Variants in TNC observed in about 807,000 individuals in gnomAD.
The protein encoded by TNC is tenascin.
A neutral mutation model predicts 202.4 loss-of-function variants in TNC; 109 were observed. The ratio of observed to expected loss-of-function variants is 0.54; its 90% CI spans 0.46 to 0.63. The LOEUF is 0.63. Among genes scored for constraint, TNC ranks in the 30% least tolerant of loss-of-function variants. TNC has a pLI of 0.00. For missense variants in TNC, 2,756 were observed against 2,833.3 expected (o/e 0.97, Z 0.62); for synonymous variants, 1,007 against 1,089.7 (o/e 0.92, Z 1.50).
Position 115,064,038 on chromosome 9 carries a change from AC to A in TNC, c.3517del (p.Val1173TrpfsTer33). On this transcript the variant is annotated frameshift_variant, in exon 12 of 28. Coordinates refer to ENST00000350763, the MANE Select transcript of TNC (RefSeq NM_002160.4). LOFTEE classifies it high-confidence loss of function. ...GAGGGCATCCCAGCCCACCTCGGCC[AC>A]CACGACCTCTCCCAAATTGGGAGTT... ...GETPNLGEVV[V>X]AEVGWDALKL... 1 of 1,611,686 alleles carries A rather than the reference AC, an allele frequency of 6.2e-7. No individual in the cohort carries two copies. The highest frequency in any genetic ancestry group is 8.5e-7 in the Non-Finnish European group (1 of 1,178,414).
chr9:115,023,993 C>A lies in TNC; in HGVS notation c.6475G>T (p.Gly2159Trp), dbSNP rs774501170. The change falls in exon 27 of 28, where the codon GGG (glycine) becomes TGG (tryptophan). Residue 2159 changes from glycine (G) to tryptophan (W), a missense_variant. Around this residue, in one of 2 missense-constraint regions of TNC, gnomAD observed 197 missense variants for 287.3 expected, o/e 0.69. Coordinates refer to ENST00000350763, the MANE Select transcript of TNC (RefSeq NM_002160.4). ...CHRVNLMGRY[G>W]DNNHSQGVNW... ...CTCACCTGACTGTGGTTATTGTCCC[C>A]ATATCTCCCCATCAGGTTGACACGG... The A allele has an allele frequency of 1.9e-6, 3 of 1,614,004 alleles. No homozygotes were observed. Among genetic ancestry groups the A allele is most frequent in the South Asian group, 2.2e-5 (2 of 91,054 alleles).
chr9:115,098,541 G>T (rs577459913), intron 1 of TNC, among the ~76,000 whole-genome samples: 1 of 152,144 alleles, frequency 6.6e-6, no homozygotes, highest in African/African-American at 2.4e-5. Context: ...TTTAGATAAA[G>T]ATGAAACTTC....
rs201449416 is a variant in TNC, at chr9:115,031,638, C to T, written c.5835G>A (p.Leu1945=). The change falls in exon 23 of 28, where the codon CTG becomes CTA. Residue 1945 remains leucine, a synonymous_variant. Transcript: ENST00000350763. ...PDTTSYSLAD[L]SPSTHYTAKI... ...TGGCTGTGTAGTGGGTGGATGGGCT[C>T]AGGTCTGCCAGGCTGTAGGAGGTGG... 3.1e-6 allele frequency: 5 copies of T among 1,612,440 alleles called. No individual in the cohort carries two copies. The highest frequency in any genetic ancestry group is 2.2e-5 in the East Asian group (1 of 44,716).
intron 10 of TNC, among the ~76,000 whole-genome samples, chr9:115,069,738 C>CCTTCCTTCCTT (rs1833297738): frequency 4.8e-4 from 1 of 2,084 alleles, no homozygotes; most frequent in African/African-American, 1.9e-3. Context: ...CTCCCTTCCT[C>CCTTCCTTCCTT]CCTCCCTCCC....
At chr9:115,028,781 A>G (rs1451817343) in intron 25 of TNC, among the ~76,000 whole-genome samples, 1 of 152,006 alleles carries the variant, frequency 6.6e-6, no homozygotes, top group East Asian at 1.9e-4. Flanking sequence ...TGAGTGTGAG[A>G]TGAATACAAA....
intron 1 of TNC, among the ~76,000 whole-genome samples, chr9:115,092,736 G>C (rs886346999): frequency 7.1e-6 from 1 of 141,368 alleles, no homozygotes; most frequent in African/African-American, 2.7e-5. Flanking sequence ...GCCATGCCTG[G>C]CTGATTTTTT....
chr9:115,046,263 T>C (rs1354332021), intron 17 of TNC, 147 bp downstream of exon 17: 5 of 954,730 alleles, frequency 5.2e-6, no homozygotes, highest in Non-Finnish European at 6.4e-6. Context: ...AGCCAAATTG[T>C]CCAAGGTAAC....
rs546531452 is a variant in TNC, at chr9:115,022,186, A to G, written c.6496-919T>C. Among the ~76,000 whole-genome samples the G allele has an allele frequency of 5.9e-5, 9 of 152,342 alleles. No individual in the cohort carries two copies. In the South Asian group the frequency reaches 1.9e-3, roughly 32 times the overall value. On this transcript the variant is annotated intron_variant, in intron 27 of 27. Coordinates refer to ENST00000350763, the MANE Select transcript of TNC (RefSeq NM_002160.4). ...AATAGAGACACTTTATTTGCTTCTA[A>G]TTGTTTGGCATTCACTGACATGGGC...
chr9:115,110,521 A>G (rs921195630), intron 1 of TNC, among the ~76,000 whole-genome samples: 3 of 152,144 alleles, frequency 2.0e-5, no homozygotes, highest in Admixed American at 2.0e-4. Flanking sequence ...GGTGATCAAG[A>G]AAGTGGGGAG....
chr9:115,105,341 T>C (rs2056188617), intron 1 of TNC, among the ~76,000 whole-genome samples: 1 of 152,222 alleles, frequency 6.6e-6, no homozygotes, highest in Admixed American at 6.5e-5. Flanking sequence ...TGATTGCATA[T>C]GTCGTCTGTG....
At position 115,103,282 on chromosome 9, in the gene TNC, C is replaced by T. The variant is rs553400867; in HGVS notation, c.-136-12128G>A. On this transcript the variant is annotated intron_variant, in intron 1 of 27. Transcript: ENST00000350763. ...GAATTGGCCAGGCCTAAGATGCACTCAGCATGAAAATTTGGTTTTGGTGTG... is the reference window on the plus strand; with the variant it reads ...GAATTGGCCAGGCCTAAGATGCACTTAGCATGAAAATTTGGTTTTGGTGTG... Among the ~76,000 whole-genome samples the T allele has an allele frequency of 1.6e-4, 24 of 152,310 alleles. No homozygotes were observed. In the South Asian group the frequency reaches 4.1e-3, roughly 26 times the overall value.
chr9:115,036,099 T>C lies in TNC; in HGVS notation c.5655A>G (p.Thr1885=), dbSNP rs776633134. 1.2e-6 allele frequency: 2 copies of C among 1,614,176 alleles called. No individual in the cohort carries two copies. Among genetic ancestry groups the C allele is most frequent in the Non-Finnish European group, 1.7e-6 (2 of 1,180,004 alleles). Residue 1885 remains threonine, a splice_region_variant and synonymous_variant, in exon 21 of 28, where the codon ACA becomes ACG. Transcript: ENST00000350763. The part of the protein sequence containing the change: ...KSSTITAKFT[T]DLDSPRDLTA... ...TTCCAGCTCTCAGTGTCTTTGTACC[T>C]GTTGTGAACTTGGCAGTGATGGTTG... is the stretch of plus-strand genomic sequence containing the variant.
intron 15 of TNC, among the ~76,000 whole-genome samples, chr9:115,054,640 A>G (rs534333888): frequency 6.6e-6 from 1 of 152,318 alleles, no homozygotes; most frequent in South Asian, 2.1e-4. Flanking sequence ...TGCAAGAAAA[A>G]ACAGAGAAAG....
chr9:115,066,299 G>GAA (rs1434022824), intron 10 of TNC, among the ~76,000 whole-genome samples: 1 of 152,202 alleles, frequency 6.6e-6, no homozygotes, highest in Non-Finnish European at 1.5e-5. Flanking sequence ...GTTTAGGAAG[G>GAA]AAAGTATTTC....
At chr9:115,023,875 T>C in intron 27 of TNC, 98 bp downstream of exon 27, 1 of 1,390,630 alleles carries the variant, frequency 7.2e-7, no homozygotes, top group Admixed American at 2.0e-5. Context: ...GGTTCCTGCC[T>C]CCTAGTCTCT....
intron 26 of TNC, among the ~76,000 whole-genome samples, 171 bp from the exon 27 acceptor site, chr9:115,024,307 A>C (rs770104684): frequency 1.4e-4 from 21 of 152,156 alleles, no homozygotes; most frequent in Non-Finnish European, 2.2e-4. Flanking sequence ...CATGAGTGTC[A>C]CCCCAGTACT....
Position 115,078,217 on chromosome 9 carries a change from G to A in TNC, c.2405-5C>T. ...TCTGGCTGGGGGCATCCAAGCCTAT[G>A]ATGGGCAGAGGACAGAGAGGCTTCA... On this transcript the variant is annotated splice_polypyrimidine_tract_variant and splice_region_variant and intron_variant, in intron 6 of 27. Transcript: ENST00000350763. 1 of 1,601,114 alleles carries A rather than the reference G, an allele frequency of 6.2e-7. No individual in the cohort carries two copies. Among genetic ancestry groups the A allele is most frequent in the East Asian group, 2.2e-5 (1 of 44,578 alleles).
At chr9:115,081,631 A>T in intron 6 of TNC, 141 bp downstream of exon 6, 1 of 967,318 alleles carries the variant, frequency 1.0e-6, no homozygotes, top group Non-Finnish European at 1.6e-6. Flanking sequence ...TTGTTATTTT[A>T]AACCACTGTA....
At chr9:115,089,742 C>T (rs549885407) in intron 2 of TNC, among the ~76,000 whole-genome samples, 163 of 152,304 alleles carry the variant, frequency 1.1e-3, no homozygotes, top group Middle Eastern at 6.8e-3. Context: ...TCAGGTGATC[C>T]GCCCGCCTTA....
Sources: gnomAD v4.1 joint callset for allele counts (sites outside exome capture counted in the v4.1 genomes callset) on GRCh38, gnomAD v4.1.1 for gene constraint, gnomAD v4.1.1 regional missense constraint, MANE v1.5 for transcripts, NCBI Gene and HGNC (gene_info 2026-07-23, HGNC 2026-07-21) for gene names.